PPP3CA: variants seen among roughly 807,000 people sequenced by gnomAD.
PPP3CA encodes protein phosphatase 3 catalytic subunit alpha.
A neutral mutation model predicts 66.5 loss-of-function variants in PPP3CA; 14 were observed. The observed-to-expected ratio is 0.21, with a 90% CI of 0.14 to 0.33. The LOEUF (loss-of-function observed/expected upper bound fraction) is 0.33. PPP3CA is among the 10% of genes least tolerant of loss of function. PPP3CA has a pLI of 1.00. For missense variants in PPP3CA, 317 were observed against 639.5 expected (o/e 0.50, Z 5.44); for synonymous variants, 232 against 226.2 (o/e 1.03, Z -0.23).
Position 101,174,022 on chromosome 4 carries a change from A to G in PPP3CA, c.259+21894T>C, listed in dbSNP as rs559271736. Among the ~76,000 whole-genome samples, 19 of 152,176 alleles carry G rather than the reference A, an allele frequency of 1.2e-4. 1 individual carries two copies. The highest frequency in any genetic ancestry group is 9.8e-4 in the Admixed American group (15 of 15,272). ...AGCTATGACTACACCACTGAACTCCAGCCCGGGCAACAGAATGAGACCCTT... is the reference window on the plus strand; with the variant it reads ...AGCTATGACTACACCACTGAACTCCGGCCCGGGCAACAGAATGAGACCCTT... On this transcript the variant is annotated intron_variant, in intron 2 of 13. Coordinates refer to ENST00000394854, the MANE Select transcript of PPP3CA (RefSeq NM_000944.5).
chr4:101,164,956 TTCA>T (rs547809370), intron 2 of PPP3CA, among the ~76,000 whole-genome samples: 2 of 152,254 alleles, frequency 1.3e-5, no homozygotes, highest in African/African-American at 4.8e-5. Flanking sequence ...TTAAATTTCT[TTCA>T]TCATTTTACT....
At position 101,174,079 on chromosome 4, in the gene PPP3CA, A is replaced by AC. The variant is rs541500828; in HGVS notation, c.259+21836_259+21837insG. 4.1e-4 allele frequency among the ~76,000 whole-genome samples: 62 copies of AC among 151,556 alleles called. No homozygotes were observed. The East Asian group carries it at 7.7e-3, about 19-fold the overall frequency. ...AACAAATAAACAAACAAACAAACAC[A>AC]AAAACTACGCCCCCCCCACCCCGCC... is the stretch of plus-strand genomic sequence containing the variant. On this transcript the variant is annotated intron_variant, in intron 2 of 13. Transcript: ENST00000394854.
At chr4:101,332,591 T>G (rs1729424044) in intron 1 of PPP3CA, among the ~76,000 whole-genome samples, 1 of 152,136 alleles carries the variant, frequency 6.6e-6, no homozygotes, top group Admixed American at 6.5e-5. Context: ...TACTACTACT[T>G]CTACAAGTAA....
chr4:101,209,690 T>C (rs1384978672), intron 1 of PPP3CA, among the ~76,000 whole-genome samples: 2 of 152,188 alleles, frequency 1.3e-5, no homozygotes, highest in Non-Finnish European at 2.9e-5. Flanking sequence ...ACTGTAAAGA[T>C]AGCCTATGTA....
At chr4:101,209,282 AT>A (rs1044275197) in intron 1 of PPP3CA, among the ~76,000 whole-genome samples, 1 of 152,136 alleles carries the variant, frequency 6.6e-6, no homozygotes, top group Non-Finnish European at 1.5e-5. Context: ...GTTACATTGC[AT>A]TTTTTTAAAG....
intron 4 of PPP3CA, among the ~76,000 whole-genome samples, chr4:101,099,290 C>T (rs779786815): frequency 5.3e-5 from 8 of 152,128 alleles, no homozygotes; most frequent in East Asian, 1.9e-4. Context: ...CCTCCATTTG[C>T]GTTTTTTGAG....
chr4:101,157,042 A>C (rs1305437251), intron 2 of PPP3CA, among the ~76,000 whole-genome samples: 1 of 152,190 alleles, frequency 6.6e-6, no homozygotes, highest in Non-Finnish European at 1.5e-5. Flanking sequence ...GTGATCTCCA[A>C]ATGTTCCCAT....
chr4:101,288,463 C>T (rs1018919531), intron 1 of PPP3CA, among the ~76,000 whole-genome samples: 1 of 151,134 alleles, frequency 6.6e-6, no homozygotes, highest in Non-Finnish European at 1.5e-5. Context: ...TCTGAATTTT[C>T]AGGCACCCTA....
At position 101,093,975 on chromosome 4, in the gene PPP3CA, A is replaced by G. The variant is rs924415352; in HGVS notation, c.643-60T>C. The G allele has an allele frequency of 4.7e-6, 7 of 1,490,632 alleles. No individual in the cohort carries two copies. In the African/African-American group the frequency reaches 9.9e-5, roughly 21 times the overall value. The allele number at this position is 1,490,632 out of a possible 1,614,324, so 92.3% of individuals were successfully genotyped here. A position where few individuals can be genotyped will look rare whatever the true frequency, so the allele number is the denominator to read the frequency against. On this transcript the variant is annotated intron_variant, in intron 5 of 13. Transcript: ENST00000394854. ...ATCTTTGGAAACTTAGAATTCTGAC[A>G]ATACAAGAAACAAGCACTGTGCAGA...
chr4:101,042,803 CTTTTTTTT>C (rs534973228), intron 10 of PPP3CA, among the ~76,000 whole-genome samples: 4 of 117,702 alleles, frequency 3.4e-5, no homozygotes, highest in East Asian at 2.6e-4. Context: ...AAGACTTTTT[CTTTTTTTT>C]TTTTTTTTTT....
chr4:101,218,468 G>A (rs1206083479), intron 1 of PPP3CA, among the ~76,000 whole-genome samples: 1 of 150,172 alleles, frequency 6.7e-6, no homozygotes, highest in Admixed American at 6.6e-5. Flanking sequence ...TGCCCTTACT[G>A]TGGATTTTTT....
At chr4:101,227,645 G>C (rs1473119770) in intron 1 of PPP3CA, among the ~76,000 whole-genome samples, 2 of 151,476 alleles carry the variant, frequency 1.3e-5, no homozygotes, top group Non-Finnish European at 3.0e-5. Context: ...CAGGGGGTTG[G>C]TGTACAGATT....
At position 101,260,888 on chromosome 4, in the gene PPP3CA, TA is replaced by T. The variant is rs369394891; in HGVS notation, c.59-64773del. On this transcript the variant is annotated intron_variant, in intron 1 of 13. Transcript: ENST00000394854. ...AAGCTAGAAGGAAGTTCCACTAAAG[TA>T]AATCACTTAATTACTTCCACTGTCC... 2.8e-3 allele frequency among the ~76,000 whole-genome samples: 425 copies of T among 152,240 alleles called. 1 individual carries two copies. The highest frequency in any genetic ancestry group is 4.7e-3 in the Non-Finnish European group (321 of 67,984).
intron 6 of PPP3CA, among the ~76,000 whole-genome samples, chr4:101,085,359 A>G (rs1057352959): frequency 6.6e-6 from 1 of 152,160 alleles, no homozygotes; most frequent in Non-Finnish European, 1.5e-5. Context: ...TTTTGGAACA[A>G]CTTACACTAT....
rs372264961 is a variant in PPP3CA at position 101,255,802 on chromosome 4, T to C, written c.59-59686A>G. On this transcript the variant is annotated intron_variant, in intron 1 of 13. Coordinates refer to ENST00000394854, the MANE Select transcript of PPP3CA (RefSeq NM_000944.5). The stretch of plus-strand genomic sequence containing the variant: ...CTTTGTTCAAAAGTGTACTAAAATA[T>C]AAGCATGTTTAGCTTGTTACTTTGT... 5.3e-5 allele frequency among the ~76,000 whole-genome samples: 8 copies of C among 152,084 alleles called. No homozygotes were observed. The South Asian group carries it at 8.3e-4, about 16-fold the overall frequency.
intron 1 of PPP3CA, among the ~76,000 whole-genome samples, chr4:101,317,253 A>AACACAC (rs3840161): frequency 0.013 from 1,917 of 145,386 alleles, 47 homozygotes; most frequent in African/African-American, 0.046. Context: ...CGGTACTCCC[A>AACACAC]ACACACACAC....
intron 1 of PPP3CA, among the ~76,000 whole-genome samples, chr4:101,327,598 C>T (rs929289093): frequency 6.6e-6 from 1 of 151,884 alleles, no homozygotes; most frequent in Non-Finnish European, 1.5e-5. Context: ...GGTTATTTTA[C>T]TTTGATATTC....
intron 11 of PPP3CA, among the ~76,000 whole-genome samples, chr4:101,033,267 T>C (rs1467530564): frequency 7.0e-6 from 1 of 142,172 alleles, no homozygotes; most frequent in Admixed American, 7.6e-5. Flanking sequence ...TATATATACA[T>C]ACATAGAGAC....
rs4438765 is a variant in PPP3CA, at chr4:101,203,734, A to G, written c.59-7618T>C. ...ACATATTCTTGAGTCTAAGGATTCA[A>G]GGACACAGAAATGAGTGACAGTCCA... On this transcript the variant is annotated intron_variant, in intron 1 of 13. Coordinates refer to ENST00000394854, the MANE Select transcript of PPP3CA (RefSeq NM_000944.5). 8.0e-3 allele frequency among the ~76,000 whole-genome samples: 1,221 copies of G among 152,238 alleles called. 15 individuals are homozygous for G. The highest frequency in any genetic ancestry group is 0.028 in the African/African-American group (1,173 of 41,542).
Sources: allele counts gnomAD v4.1 joint callset (sites outside exome capture counted in the v4.1 genomes callset), GRCh38; gene constraint gnomAD v4.1.1; transcripts MANE v1.5; gene names NCBI Gene and HGNC (gene_info 2026-07-23, HGNC 2026-07-21).